Variants in CHN2 observed in about 807,000 individuals in gnomAD.
CHN2 encodes the protein beta-chimaerin.
Under a neutral mutation model 56.3 loss-of-function variants are expected in CHN2, and 35 were observed. The ratio of observed to expected loss-of-function variants is 0.62; its 90% CI spans 0.47 to 0.82. The LOEUF (loss-of-function observed/expected upper bound fraction) is 0.82. Among genes scored for constraint, CHN2 ranks in the 40% least tolerant of loss-of-function variants. CHN2 has a pLI of 0.00. For missense variants in CHN2, 491 were observed against 580.5 expected, an observed-to-expected ratio of 0.85 and a Z score of 1.58; for synonymous variants, 210 against 212.8, an observed-to-expected ratio of 0.99 and a Z score of 0.12.
At chr7:29,398,165 C>T (rs1801913718) in intron 4 of CHN2, 1 of 390,644 alleles carries the variant, frequency 2.6e-6, no homozygotes, top group South Asian at 8.5e-5. Context: ...GGGCATCCTT[C>T]CTTTTGTTTG....
chr7:29,455,400 C>T (rs1165182581), intron 6 of CHN2, among the ~76,000 whole-genome samples: 1 of 152,110 alleles, frequency 6.6e-6, no homozygotes, highest in African/African-American at 2.4e-5. Flanking sequence ...ATCAGCTAGT[C>T]GCGGCACAGT....
intron 1 of CHN2, among the ~76,000 whole-genome samples, chr7:29,271,641 G>A (rs191816321): frequency 6.6e-6 from 1 of 152,340 alleles, no homozygotes; most frequent in African/African-American, 2.4e-5. Context: ...AAGAAACAGA[G>A]TGACTTCTTG....
At chr7:29,308,766 G>C (rs746412658) in intron 1 of CHN2, among the ~76,000 whole-genome samples, 25 of 152,292 alleles carry the variant, frequency 1.6e-4, no homozygotes, top group Non-Finnish European at 3.5e-4. Context: ...GCCCTGTTCT[G>C]CCCTTCCTCA....
At chr7:29,220,708 A>G (rs1562842146) in intron 1 of CHN2, among the ~76,000 whole-genome samples, 1 of 152,308 alleles carries the variant, frequency 6.6e-6, no homozygotes, top group East Asian at 1.9e-4. Flanking sequence ...TTAGCAATAA[A>G]TTCTTCCAAA....
intron 1 of CHN2, among the ~76,000 whole-genome samples, chr7:29,311,483 G>T (rs1794601375): frequency 6.6e-6 from 1 of 152,184 alleles, no homozygotes; most frequent in Admixed American, 6.6e-5. Context: ...TCCCTGTGAG[G>T]ATCATAGCCC....
chr7:29,402,208 G>A (rs1459446690), intron 6 of CHN2, among the ~76,000 whole-genome samples: 1 of 152,206 alleles, frequency 6.6e-6, no homozygotes, highest in Admixed American at 6.5e-5. Flanking sequence ...GGTCCCGTTG[G>A]TGGAGACAGG....
At chr7:29,476,055 A>AAGACACTTG (rs1233675595) in intron 6 of CHN2, among the ~76,000 whole-genome samples, 1 of 152,228 alleles carries the variant, frequency 6.6e-6, no homozygotes, top group Non-Finnish European at 1.5e-5. Context: ...AGTAGAAGGA[A>AAGACACTTG]AGACACTTGT....
chr7:29,304,337 G>T (rs937608409), intron 1 of CHN2, among the ~76,000 whole-genome samples: 2 of 152,174 alleles, frequency 1.3e-5, no homozygotes, highest in African/African-American at 4.8e-5. Flanking sequence ...ACGTAGCTGA[G>T]AGTTAAGAAA....
chr7:29,217,452 G>A (rs1407096183), intron 1 of CHN2, among the ~76,000 whole-genome samples: 2 of 152,202 alleles, frequency 1.3e-5, no homozygotes, highest in Non-Finnish European at 2.9e-5. Context: ...AAAATGTGTA[G>A]ACTGGGAGGG....
chr7:29,398,761 ATTTTT>A (rs61569425), intron 5 of CHN2, among the ~76,000 whole-genome samples: 2 of 120,314 alleles, frequency 1.7e-5, no homozygotes, highest in Non-Finnish European at 3.6e-5. Context: ...TGACTGGCTA[ATTTTT>A]TTTTTTTTTT....
Position 29,363,497 on chromosome 7 carries a change from C to T in CHN2, c.89-4435C>T, listed in dbSNP as rs535800270. On this transcript the variant is annotated intron_variant, in intron 2 of 12. Transcript: ENST00000222792. ...AAGCCTCCATCTCAAACACCACCACCACCACCACCACCATCTACTATGTGC... is the reference window on the plus strand; with the variant it reads ...AAGCCTCCATCTCAAACACCACCACTACCACCACCACCATCTACTATGTGC... 2.0e-5 allele frequency among the ~76,000 whole-genome samples: 3 copies of T among 152,218 alleles called. No homozygotes were observed. In the East Asian group the frequency reaches 5.8e-4, roughly 30 times the overall value.
At chr7:29,511,541 G>T (rs1791400064) in intron 12 of CHN2, among the ~76,000 whole-genome samples, 1 of 152,262 alleles carries the variant, frequency 6.6e-6, no homozygotes, top group East Asian at 1.9e-4. Flanking sequence ...AGAGGAAACT[G>T]TGGGCACTTT....
chr7:29,231,681 T>A (rs1221155544), intron 1 of CHN2, among the ~76,000 whole-genome samples: 2 of 152,224 alleles, frequency 1.3e-5, no homozygotes, highest in Non-Finnish European at 2.9e-5. Context: ...TTTTAGATGT[T>A]TCTTTTGGGA....
chr7:29,239,321 T>A (rs1787464964), intron 1 of CHN2, among the ~76,000 whole-genome samples: 1 of 152,136 alleles, frequency 6.6e-6, no homozygotes, highest in Admixed American at 6.5e-5. Flanking sequence ...AACTGAAGAA[T>A]GAATAGAGGT....
At chr7:29,474,454 C>A (rs1231247826) in intron 6 of CHN2, among the ~76,000 whole-genome samples, 1 of 152,086 alleles carries the variant, frequency 6.6e-6, no homozygotes, top group Non-Finnish European at 1.5e-5. Flanking sequence ...GGCTTTTGAT[C>A]CATCTCCAAC....
intron 1 of CHN2, among the ~76,000 whole-genome samples, chr7:29,233,819 A>G (rs911125108): frequency 4.7e-5 from 5 of 105,980 alleles, no homozygotes; most frequent in Non-Finnish European, 9.7e-5. Flanking sequence ...CCCTGCCAAC[A>G]CCTTGATTTT....
At chr7:29,212,585 C>T in intron 1 of CHN2, 1 of 1,413,064 alleles carries the variant, frequency 7.1e-7, no homozygotes. Flanking sequence ...AGTCAAGAAA[C>T]AGAAGACCAG....
intron 3 of CHN2, among the ~76,000 whole-genome samples, chr7:29,380,381 T>C (rs1800403505): frequency 6.6e-6 from 1 of 152,160 alleles, no homozygotes; most frequent in Admixed American, 6.5e-5. Context: ...TAAAATTCCT[T>C]TGTGGGGAGG....
chr7:29,188,719 G>C (rs1227772419), intron 2 of CHN2, among the ~76,000 whole-genome samples: 1 of 152,064 alleles, frequency 6.6e-6, no homozygotes, highest in African/African-American at 2.4e-5. Context: ...CAGCTGTCTA[G>C]AAATAGTCTT....
Sources: gnomAD v4.1 joint callset for allele counts (sites outside exome capture counted in the v4.1 genomes callset) on GRCh38, gnomAD v4.1.1 for gene constraint, MANE v1.5 for transcripts, NCBI Gene and HGNC (gene_info 2026-07-23, HGNC 2026-07-21) for gene names.